PPP1R42: variants seen among roughly 807,000 people sequenced by gnomAD.
PPP1R42 encodes the protein protein phosphatase 1 regulatory subunit 42, also known as leucine rich repeat containing 67.
Under a neutral mutation model 31.0 loss-of-function variants are expected in PPP1R42, and 34 were observed. That is an observed-to-expected ratio of 1.10 (90% CI 0.83 to 1.46). The LOEUF (loss-of-function observed/expected upper bound fraction) is 1.46. Ranked by LOEUF, PPP1R42 falls within the 40% of genes most tolerant of loss-of-function variation. The pLI, the probability that PPP1R42 is intolerant of heterozygous loss-of-function variation, is 0.00. For missense variants in PPP1R42, 268 were observed against 303.0 expected (o/e 0.88, Z 0.86); for synonymous variants, 103 against 109.8 (o/e 0.94, Z 0.39).
intron 5 of PPP1R42, among the ~76,000 whole-genome samples, chr8:67,005,231 G>T (rs910852292): frequency 6.6e-6 from 1 of 151,290 alleles, no homozygotes; most frequent in African/African-American, 2.4e-5. Flanking sequence ...TTCTATCCAG[G>T]CATTCTTTAA....
chr8:66,992,737 C>A (rs767566627), intron 5 of PPP1R42, among the ~76,000 whole-genome samples: 1 of 152,146 alleles, frequency 6.6e-6, no homozygotes, highest in African/African-American at 2.4e-5. Context: ...TATACTTAGA[C>A]CCTTTATAGA....
At chr8:67,006,816 G>A (rs1815698033) in intron 5 of PPP1R42, among the ~76,000 whole-genome samples, 3 of 139,850 alleles carry the variant, frequency 2.1e-5, no homozygotes, top group Admixed American at 7.8e-5. Flanking sequence ...GTGCGATCTC[G>A]GCTCACTGCA....
chr8:66,984,472 C>G (rs1327022914), intron 6 of PPP1R42: 1 of 1,284,584 alleles, frequency 7.8e-7, no homozygotes, highest in Non-Finnish European at 1.1e-6. Context: ...TAACACCACT[C>G]CTATCAGGTA....
At chr8:66,994,929 T>C (rs957276217) in intron 5 of PPP1R42, among the ~76,000 whole-genome samples, 1 of 152,160 alleles carries the variant, frequency 6.6e-6, no homozygotes, top group African/African-American at 2.4e-5. Context: ...GGAACTTAGG[T>C]CCATATAAAA....
At chr8:67,013,200 T>C in intron 3 of PPP1R42, 104 bp from the exon 4 acceptor site, 1 of 873,470 alleles carries the variant, frequency 1.1e-6, no homozygotes, top group Non-Finnish European at 1.7e-6. Flanking sequence ...TGAACAAAAT[T>C]ATAAATGTGG....
Position 66,977,157 on chromosome 8 carries a change from C to T in PPP1R42, c.802+4892G>A, listed in dbSNP as rs192472140. Among the ~76,000 whole-genome samples, 29 of 151,780 alleles carry T rather than the reference C, an allele frequency of 1.9e-4. No homozygotes were observed. The East Asian group carries it at 5.2e-3, about 27-fold the overall frequency. On this transcript the variant is annotated intron_variant, in intron 7 of 7. Coordinates refer to ENST00000685739, the MANE Select transcript of PPP1R42 (RefSeq NM_001364910.1). ...TAAGAAATTCTCTGCCTCAGCCTCC[C>T]GAATAGCTGGGATTACAGGCGTGTG...
rs371119379 is a variant in PPP1R42 at position 66,990,029 on chromosome 8, A to G, written c.553-1512T>C. Among the ~76,000 whole-genome samples the G allele has an allele frequency of 7.9e-5, 12 of 152,368 alleles. No homozygotes were observed. In the South Asian group the frequency reaches 1.4e-3, roughly 18 times the overall value. ...AGAAGAAACTTCTTGACCTATTGACAAATAAGTAGTTGACTTTTTATAAGA... is the reference window on the plus strand; with the variant it reads ...AGAAGAAACTTCTTGACCTATTGACGAATAAGTAGTTGACTTTTTATAAGA... On this transcript the variant is annotated intron_variant, in intron 5 of 7. Transcript: ENST00000685739.
At chr8:66,985,235 C>G in intron 6 of PPP1R42, 2 of 1,110,128 alleles carry the variant, frequency 1.8e-6, no homozygotes, top group South Asian at 1.3e-5. Context: ...TTGCCCTTGT[C>G]ATGGAATTTA....
At position 66,971,049 on chromosome 8, in the gene PPP1R42, G is replaced by GTAT. The variant is rs1563412382; in HGVS notation, c.803-6718_803-6716dup. ...CTGGAGATGCATTTGCATTTACAGG[G>GTAT]TATCTCTGTATTTCAGAGAAAAAGG... On this transcript the variant is annotated intron_variant, in intron 7 of 7. Transcript: ENST00000685739. The GTAT allele has an allele frequency of 3.3e-6, 5 of 1,531,642 alleles. No homozygotes were observed. The South Asian group carries it at 6.0e-5, about 18-fold the overall frequency. 94.9% of individuals were successfully genotyped at this position (1,531,642 alleles called of 1,614,324 possible). A position where few individuals can be genotyped will look rare whatever the true frequency, so the allele number is the denominator to read the frequency against.
intron 5 of PPP1R42, among the ~76,000 whole-genome samples, chr8:66,991,544 A>G (rs919344726): frequency 1.3e-5 from 2 of 152,100 alleles, no homozygotes; most frequent in Non-Finnish European, 2.9e-5. Context: ...CTTGCCACCA[A>G]TTTTACTGGG....
chr8:66,990,810 G>A (rs1815168503), intron 5 of PPP1R42, among the ~76,000 whole-genome samples: 1 of 152,038 alleles, frequency 6.6e-6, no homozygotes, highest in South Asian at 2.1e-4. Context: ...CATCTGCCTG[G>A]GAAAATCTAT....
chr8:67,010,192 A>G (rs904360124), intron 5 of PPP1R42, among the ~76,000 whole-genome samples: 1 of 152,232 alleles, frequency 6.6e-6, no homozygotes, highest in African/African-American at 2.4e-5. Context: ...AGTGCCTGAC[A>G]AATATTTAGG....
At chr8:66,970,146 A>C (rs1274755020) in intron 7 of PPP1R42, among the ~76,000 whole-genome samples, 1 of 151,962 alleles carries the variant, frequency 6.6e-6, no homozygotes, top group South Asian at 2.1e-4. Context: ...TATTTAATTT[A>C]TTGAGATGGG....
intron 2 of PPP1R42, among the ~76,000 whole-genome samples, chr8:67,014,894 T>C (rs1815956580): frequency 6.6e-6 from 1 of 152,244 alleles, no homozygotes; most frequent in South Asian, 2.1e-4. Context: ...AGTTGGAGCA[T>C]TGAATAAATT....
chr8:67,003,983 G>A lies in PPP1R42; in HGVS notation c.552+6732C>T, dbSNP rs557141607. Among the ~76,000 whole-genome samples the A allele has an allele frequency of 2.6e-5, 4 of 152,248 alleles. No individual in the cohort carries two copies. The South Asian group carries it at 8.3e-4, about 32-fold the overall frequency. On this transcript the variant is annotated intron_variant, in intron 5 of 7. Transcript: ENST00000685739. ...CGGGCGCCTGTAGTCCCAGCTACTC[G>A]GGAGGCTGAGGAAGGAGAATGGCGT...
chr8:66,996,970 G>T (rs1189568494), intron 5 of PPP1R42, among the ~76,000 whole-genome samples: 1 of 152,160 alleles, frequency 6.6e-6, no homozygotes, highest in East Asian at 1.9e-4. Context: ...TGGCCAACAT[G>T]CCGAAACCCT....
intron 5 of PPP1R42, among the ~76,000 whole-genome samples, chr8:67,009,932 C>T (rs116472470): frequency 4.5e-4 from 69 of 152,324 alleles, no homozygotes; most frequent in African/African-American, 1.6e-3. Flanking sequence ...ATTCTCCTTC[C>T]TGTGGTTCGT....
At chr8:66,971,235 A>G (rs1814530510) in intron 7 of PPP1R42, 2 of 859,872 alleles carry the variant, frequency 2.3e-6, no homozygotes, top group South Asian at 2.8e-5. Context: ...TAAAAATTAA[A>G]TAAAGCCAAA....
chr8:66,970,015 G>A lies in PPP1R42; in HGVS notation c.803-5681C>T, dbSNP rs376554118. ...CATTTGACTCCCCAGCTAGCTTGTG[G>A]CAAAATATTTGAGATCAGGATTATC... On this transcript the variant is annotated intron_variant, in intron 7 of 7. Transcript: ENST00000685739. 1.9e-3 allele frequency among the ~76,000 whole-genome samples: 283 copies of A among 152,218 alleles called. 4 individuals carry two copies. Among genetic ancestry groups the A allele is most frequent in the African/African-American group, 6.5e-3 (272 of 41,542 alleles).
Sources: allele counts gnomAD v4.1 joint callset (sites outside exome capture counted in the v4.1 genomes callset), GRCh38; gene constraint gnomAD v4.1.1; transcripts MANE v1.5; gene names NCBI Gene and HGNC (gene_info 2026-07-23, HGNC 2026-07-21).